Variants in NTM observed in about 807,000 individuals in gnomAD.
NTM encodes neurotrimin.
NTM carries 13 observed loss-of-function variants against 42.1 expected under a neutral mutation model. That is an observed-to-expected ratio of 0.31 (90% CI 0.20 to 0.49). NTM has a LOEUF of 0.49. Ranked by LOEUF, NTM falls within the 20% of genes least tolerant of loss-of-function variation. NTM has a pLI of 0.99. For missense variants in NTM, 373 were observed against 452.8 expected (o/e 0.82, Z 1.60); for synonymous variants, 187 against 179.2 (o/e 1.04, Z -0.35).
intron 1 of NTM, chr11:131,661,161 C>A: frequency 1.7e-6 from 1 of 600,702 alleles, no homozygotes; most frequent in South Asian, 1.8e-5. Flanking sequence ...GTGACTGTGG[C>A]TTTTGAGATG....
At chr11:131,867,866 GC>G (rs2047384219) in intron 1 of NTM, among the ~76,000 whole-genome samples, 6 of 152,192 alleles carry the variant, frequency 3.9e-5, no homozygotes, top group Admixed American at 3.9e-4. Context: ...AGCAGATGGA[GC>G]TGAAGGTACA....
At chr11:131,914,178 C>A (rs552221) in intron 2 of NTM, among the ~76,000 whole-genome samples, 1 of 152,100 alleles carries the variant, frequency 6.6e-6, no homozygotes, top group Non-Finnish European at 1.5e-5. Context: ...TGCATTTTCA[C>A]GTAACCTGAC....
At chr11:131,594,824 A>G (rs983760025) in intron 1 of NTM, among the ~76,000 whole-genome samples, 1 of 152,172 alleles carries the variant, frequency 6.6e-6, no homozygotes, top group Non-Finnish European at 1.5e-5. Context: ...AGAGAAGTTG[A>G]CAGGGAGGAC....
chr11:132,297,962 A>C (rs2094686998), intron 4 of NTM, among the ~76,000 whole-genome samples: 1 of 152,218 alleles, frequency 6.6e-6, no homozygotes, highest in Non-Finnish European at 1.5e-5. Context: ...CCTGCCCTAC[A>C]AAATGTATTG....
At chr11:131,714,003 C>T (rs535009546) in intron 1 of NTM, among the ~76,000 whole-genome samples, 2 of 152,138 alleles carry the variant, frequency 1.3e-5, no homozygotes, top group Non-Finnish European at 2.9e-5. Context: ...CGTGTGCAGT[C>T]TTTACTGAAG....
At chr11:131,990,881 C>G (rs777076288) in intron 2 of NTM, among the ~76,000 whole-genome samples, 1 of 152,092 alleles carries the variant, frequency 6.6e-6, no homozygotes, top group South Asian at 2.1e-4. Flanking sequence ...AATAGTATCT[C>G]ATTTTGACTC....
intron 1 of NTM, among the ~76,000 whole-genome samples, chr11:131,880,454 C>G (rs893713326): frequency 2.6e-5 from 4 of 152,196 alleles, no homozygotes; most frequent in Non-Finnish European, 5.9e-5. Flanking sequence ...TCAGCAGGTG[C>G]TAGGACAAGG....
At chr11:131,932,106 A>G (rs890519340) in intron 2 of NTM, among the ~76,000 whole-genome samples, 3 of 152,240 alleles carry the variant, frequency 2.0e-5, no homozygotes, top group East Asian at 3.9e-4. Context: ...CTCCATGCCA[A>G]CCATGTGCCA....
intron 1 of NTM, among the ~76,000 whole-genome samples, chr11:131,867,624 GTGTC>G (rs756538898): frequency 2.0e-5 from 3 of 152,154 alleles, no homozygotes; most frequent in South Asian, 2.1e-4. Flanking sequence ...ATGCATGTGT[GTGTC>G]TGTGTTTATG....
intron 1 of NTM, among the ~76,000 whole-genome samples, chr11:131,468,236 G>A (rs937270896): frequency 6.6e-6 from 1 of 152,168 alleles, no homozygotes; most frequent in Non-Finnish European, 1.5e-5. Context: ...CCTAATGAGA[G>A]GCAACACCCC....
At chr11:131,762,744 A>G (rs2084419064) in intron 1 of NTM, among the ~76,000 whole-genome samples, 1 of 152,204 alleles carries the variant, frequency 6.6e-6, no homozygotes. Context: ...CCAGACTCCC[A>G]GGTGACCCCA....
chr11:131,512,758 C>A (rs748777292), intron 1 of NTM, among the ~76,000 whole-genome samples: 2 of 152,162 alleles, frequency 1.3e-5, no homozygotes, highest in African/African-American at 4.8e-5. Flanking sequence ...TCCACTCTCT[C>A]GTCTCCTTAG....
intron 1 of NTM, among the ~76,000 whole-genome samples, chr11:131,801,038 G>A (rs2092063695): frequency 6.6e-6 from 1 of 152,118 alleles, no homozygotes; most frequent in African/African-American, 2.4e-5. Flanking sequence ...ATTTGGGGCT[G>A]GGGTTAGAAT....
At chr11:131,417,413 G>T (rs562206899) in intron 1 of NTM, among the ~76,000 whole-genome samples, 1 of 152,114 alleles carries the variant, frequency 6.6e-6, no homozygotes, top group Non-Finnish European at 1.5e-5. Flanking sequence ...TAAGAGACTT[G>T]TTATTTAGTA....
At chr11:131,586,627 A>G (rs2058887414) in intron 1 of NTM, among the ~76,000 whole-genome samples, 1 of 152,210 alleles carries the variant, frequency 6.6e-6, no homozygotes, top group African/African-American at 2.4e-5. Context: ...GGTACCCAGC[A>G]AAGCTCTTTC....
chr11:132,153,425 A>G (rs1397371474), intron 3 of NTM, among the ~76,000 whole-genome samples: 4 of 152,190 alleles, frequency 2.6e-5, no homozygotes, highest in Non-Finnish European at 4.4e-5. Context: ...TTATGGTCTC[A>G]TGACCCAACA....
At chr11:131,952,908 A>T (rs2061172392) in intron 2 of NTM, among the ~76,000 whole-genome samples, 1 of 152,186 alleles carries the variant, frequency 6.6e-6, no homozygotes, top group Non-Finnish European at 1.5e-5. Flanking sequence ...CAGAGAACAG[A>T]AAGGAAAGGC....
At chr11:131,674,321 C>T (rs976477668) in intron 1 of NTM, among the ~76,000 whole-genome samples, 12 of 152,230 alleles carry the variant, frequency 7.9e-5, no homozygotes, top group African/African-American at 2.4e-4. Context: ...ACTCCTAGGG[C>T]TGTCATTCTT....
Position 132,036,171 on chromosome 11 carries a change from G to A in NTM, c.168-110111G>A, listed in dbSNP as rs545571108. ...TCTTCTGCATGGCGTGTTAAATGGTGTACTAGGGAGGAAGGACAGAAACGA... is the reference window on the plus strand; with the variant it reads ...TCTTCTGCATGGCGTGTTAAATGGTATACTAGGGAGGAAGGACAGAAACGA... On this transcript the variant is annotated intron_variant, in intron 2 of 8. Coordinates refer to ENST00000683400, the MANE Select transcript of NTM (RefSeq NM_001352005.2). Among the ~76,000 whole-genome samples, 9 of 152,260 alleles carry A rather than the reference G, an allele frequency of 5.9e-5. No homozygotes were observed. The South Asian group carries it at 1.2e-3, about 21-fold the overall frequency.
Sources: allele counts gnomAD v4.1 joint callset (sites outside exome capture counted in the v4.1 genomes callset), GRCh38; gene constraint gnomAD v4.1.1; transcripts MANE v1.5; gene names NCBI Gene and HGNC (gene_info 2026-07-23, HGNC 2026-07-21).